Variants in TSHR observed in about 807,000 individuals in gnomAD.
TSHR encodes thyroid stimulating hormone receptor.
In TSHR, 51 loss-of-function variants were observed where a neutral mutation model predicts 64.1. The ratio of observed to expected loss-of-function variants is 0.80; its 90% confidence interval spans 0.64 to 1.01. The LOEUF (loss-of-function observed/expected upper bound fraction) is 1.01. Ranked by LOEUF, TSHR falls within the 50% of genes least tolerant of loss-of-function variation. The pLI, the probability that TSHR is intolerant of heterozygous loss-of-function variation, is 0.00. For synonymous variants in TSHR, 361 were observed against 361.9 expected, an observed-to-expected ratio of 1.00 and a Z score of 0.03; for missense variants, 877 against 942.8, an observed-to-expected ratio of 0.93 and a Z score of 0.91.
In TSHR at chr14:81,116,139, C is replaced by G. The variant is rs550331196; in HGVS notation, c.692+7687C>G. Among the ~76,000 whole-genome samples the G allele has an allele frequency of 2.6e-5, 4 of 151,546 alleles. No homozygotes were observed. In the East Asian group the frequency reaches 7.8e-4, roughly 30 times the overall value. Reference sequence around the variant, plus strand: ...TGCATCAACTGACGAGCAAAATAACCAGCTAACATCAGAATGACAGGATCA... The same window carrying G: ...TGCATCAACTGACGAGCAAAATAACGAGCTAACATCAGAATGACAGGATCA... On this transcript the variant is annotated intron_variant, in intron 8 of 9. Transcript: ENST00000298171.
intron 1 of TSHR, among the ~76,000 whole-genome samples, chr14:81,048,615 G>C (rs1885284821): frequency 6.6e-6 from 1 of 152,136 alleles, no homozygotes; most frequent in African/African-American, 2.4e-5. Flanking sequence ...AAGCAGGTTG[G>C]AAAATGAATG....
At chr14:80,992,095 T>C (rs1418802059) in intron 1 of TSHR, 1 of 152,298 alleles carries the variant, frequency 6.6e-6, no homozygotes, top group Non-Finnish European at 1.5e-5. Context: ...AAGCTAATCA[T>C]AAATTCTAAA....
chr14:81,068,353 T>C (rs755866784), intron 3 of TSHR, 25 bp downstream of exon 3: 11 of 1,609,030 alleles, frequency 6.8e-6, no homozygotes, highest in Non-Finnish European at 4.2e-6. Flanking sequence ...AAGTGCAGCA[T>C]AGACCTAAGC....
intron 8 of TSHR, among the ~76,000 whole-genome samples, chr14:81,118,351 C>T (rs1171235624): frequency 3.0e-5 from 3 of 98,590 alleles, no homozygotes; most frequent in African/African-American, 1.3e-4. Context: ...AATCAATGTA[C>T]AAAAATCACA....
chr14:80,995,638 G>A (rs543748475), intron 1 of TSHR: 26 of 152,134 alleles, frequency 1.7e-4, no homozygotes, highest in African/African-American at 5.8e-4. Flanking sequence ...GAGAACACAT[G>A]GGTGCATAGA....
chr14:81,053,305 G>C (rs1885540519), intron 1 of TSHR: 1 of 152,166 alleles, frequency 6.6e-6, no homozygotes, highest in South Asian at 2.1e-4. Flanking sequence ...GCTTTATTGA[G>C]TTTACCAATT....
chr14:81,098,102 G>A (rs1889333777), intron 7 of TSHR, among the ~76,000 whole-genome samples: 1 of 152,090 alleles, frequency 6.6e-6, no homozygotes, highest in Non-Finnish European at 1.5e-5. Flanking sequence ...CAGGCCCTGT[G>A]CCATTCACTG....
chr14:81,107,148 G>A (rs1445735336), intron 7 of TSHR: 2 of 152,124 alleles, frequency 1.3e-5, no homozygotes, highest in Non-Finnish European at 2.9e-5. Context: ...CCTGGGTCCA[G>A]TTAACCAGGA....
intron 1 of TSHR, among the ~76,000 whole-genome samples, chr14:80,999,813 G>A (rs1023661958): frequency 3.2e-4 from 49 of 152,056 alleles, no homozygotes; most frequent in Middle Eastern, 3.4e-3. Flanking sequence ...TTGGCAAAAG[G>A]AATATAAAAA....
chr14:81,136,805 C>T lies in TSHR; in HGVS notation c.693-2874C>T, dbSNP rs146306251. Reference sequence around the variant, plus strand: ...CCAGTTCAGCCCGAGTGGGACCTAACTTAGAGGCCACCTGGGATATGTCAT... The same window carrying T: ...CCAGTTCAGCCCGAGTGGGACCTAATTTAGAGGCCACCTGGGATATGTCAT... On this transcript the variant is annotated intron_variant, in intron 8 of 9. Transcript: ENST00000298171. Among the ~76,000 whole-genome samples, 26 of 152,310 alleles carry T rather than the reference C, an allele frequency of 1.7e-4. No homozygotes were observed. The East Asian group carries it at 5.0e-3, about 29-fold the overall frequency.
intron 1 of TSHR, among the ~76,000 whole-genome samples, chr14:80,985,186 C>T (rs1345627104): frequency 6.6e-6 from 1 of 152,214 alleles, no homozygotes; most frequent in Non-Finnish European, 1.5e-5. Flanking sequence ...GGAGGCGGAG[C>T]TTGCAGTGGG....
At chr14:81,040,159 C>G (rs1480422759) in intron 1 of TSHR, among the ~76,000 whole-genome samples, 1 of 151,852 alleles carries the variant, frequency 6.6e-6, no homozygotes, top group Non-Finnish European at 1.5e-5. Context: ...AGAAATAAAT[C>G]CACGCACTTA....
rs780012097 is a variant in TSHR at position 81,108,487 on chromosome 14, T to G, written c.692+35T>G. 2.0e-5 allele frequency: 31 copies of G among 1,584,066 alleles called. No homozygotes were observed. The Admixed American group carries it at 3.6e-4, about 18-fold the overall frequency. On this transcript the variant is annotated intron_variant, in intron 8 of 9. Coordinates refer to ENST00000298171, the MANE Select transcript of TSHR (RefSeq NM_000369.5). ...ACATACAAAAGAATATTTTAGTCTTTTTTTTTCTTTTTTTTTTTTTGGAAT... is the reference window on the plus strand; with the variant it reads ...ACATACAAAAGAATATTTTAGTCTTGTTTTTTCTTTTTTTTTTTTTGGAAT...
intron 8 of TSHR, among the ~76,000 whole-genome samples, chr14:81,115,323 A>G (rs1348157391): frequency 1.3e-5 from 2 of 150,482 alleles, no homozygotes; most frequent in African/African-American, 5.0e-5. Flanking sequence ...ACCAATACAG[A>G]GAAGTGCTTA....
intron 1 of TSHR, among the ~76,000 whole-genome samples, chr14:81,041,668 A>G (rs1166435248): frequency 6.6e-6 from 1 of 152,120 alleles, no homozygotes; most frequent in Non-Finnish European, 1.5e-5. Context: ...CCTGAACTTA[A>G]AAGTTAAAGA....
chr14:81,108,627 A>G, intron 8 of TSHR, 175 bp downstream of exon 8: 3 of 1,614,106 alleles, frequency 1.9e-6, no homozygotes, highest in South Asian at 1.1e-5. Flanking sequence ...CTCTTGGAAG[A>G]AAGTCCTTGT....
chr14:80,983,191 G>A lies in TSHR; in HGVS notation c.170+27341G>A, dbSNP rs193140303. 6.5e-3 allele frequency: 7,630 copies of A among 1,174,714 alleles called. 37 individuals are homozygous for A. Among genetic ancestry groups the A allele is most frequent in the Non-Finnish European group, 7.6e-3 (6,440 of 847,746 alleles). 72.8% of individuals were successfully genotyped at this position (1,174,714 alleles called of 1,614,324 possible). ...CCTCCTTCTGGGGATGAAAGACAATGCAAAATTGAATTACATGTTAAGCAT... is the reference window on the plus strand; with the variant it reads ...CCTCCTTCTGGGGATGAAAGACAATACAAAATTGAATTACATGTTAAGCAT... On this transcript the variant is annotated intron_variant, in intron 1 of 9. Coordinates refer to ENST00000298171, the MANE Select transcript of TSHR (RefSeq NM_000369.5).
chr14:81,134,610 A>G lies in TSHR; in HGVS notation c.693-5069A>G, dbSNP rs556680305. Among the ~76,000 whole-genome samples the G allele has an allele frequency of 9.8e-4, 150 of 152,338 alleles. 1 individual carries two copies. The highest frequency in any genetic ancestry group is 3.5e-3 in the African/African-American group (146 of 41,576). ...TTCAGCTCTCATGAAGCTAAAATTA[A>G]AAATTTAGTAGAAGAGATGGAAGAT... is the stretch of plus-strand genomic sequence containing the variant. On this transcript the variant is annotated intron_variant, in intron 8 of 9. Coordinates refer to ENST00000298171, the MANE Select transcript of TSHR (RefSeq NM_000369.5).
At chr14:81,019,835 A>G (rs1448268147) in intron 1 of TSHR, among the ~76,000 whole-genome samples, 1 of 152,182 alleles carries the variant, frequency 6.6e-6, no homozygotes, top group Non-Finnish European at 1.5e-5. Flanking sequence ...TATGTGCGCC[A>G]CATTTTCTTT....
Sources: allele counts gnomAD v4.1 joint callset (sites outside exome capture counted in the v4.1 genomes callset), GRCh38; gene constraint gnomAD v4.1.1; transcripts MANE v1.5; gene names NCBI Gene and HGNC (gene_info 2026-07-23, HGNC 2026-07-21).